CAPN2: variants seen among roughly 807,000 people sequenced by gnomAD.
CAPN2 encodes the protein calpain 2.
A neutral mutation model predicts 102.3 loss-of-function variants in CAPN2; 92 were observed. That is an observed-to-expected ratio of 0.90 (90% confidence interval 0.76 to 1.07). CAPN2 has a LOEUF of 1.07. Among genes scored for constraint, CAPN2 ranks in the 50% least tolerant of loss-of-function variants. The probability of loss-of-function intolerance (pLI) is 0.00; values close to 1 mark genes in which losing one functional copy is unlikely to be tolerated. For synonymous variants in CAPN2, 340 were observed against 355.4 expected (o/e 0.96, Z 0.49); for missense variants, 800 against 909.4 (o/e 0.88, Z 1.55).
At chr1:223,750,101 TA>T (rs1660849590) in intron 6 of CAPN2, among the ~76,000 whole-genome samples, 1 of 152,236 alleles carries the variant, frequency 6.6e-6, no homozygotes, top group South Asian at 2.1e-4. Flanking sequence ...GTTCTTTTTT[TA>T]ACCTTGATTT....
At chr1:223,744,975 G>T (rs551468311) in intron 3 of CAPN2, among the ~76,000 whole-genome samples, 4 of 151,934 alleles carry the variant, frequency 2.6e-5, no homozygotes, top group Non-Finnish European at 2.9e-5. Flanking sequence ...CATCCAGGAG[G>T]CAGAGGTTGC....
chr1:223,761,627 AC>A lies in CAPN2; in HGVS notation c.1566+11del. 6.2e-7 allele frequency: 1 copy of A among 1,607,100 alleles called. No homozygotes were observed. On this transcript the variant is annotated intron_variant, in intron 13 of 20. Coordinates refer to ENST00000295006, the MANE Select transcript of CAPN2 (RefSeq NM_001748.5). ...GGCCAATCTTGAAGAGGTATTTGTA[AC>A]TCTTTGAATTTCACCCACTCTGTCC...
chr1:223,737,778 A>G (rs1404074382), intron 2 of CAPN2, among the ~76,000 whole-genome samples: 1 of 151,778 alleles, frequency 6.6e-6, no homozygotes, highest in African/African-American at 2.4e-5. Flanking sequence ...TAAAAGAAAA[A>G]CAACCCAGAA....
At position 223,712,581 on chromosome 1, in the gene CAPN2, G is replaced by T; in HGVS notation, c.-60G>T. ...GCCGGGCCCTGGCCGCGCCCCAGCC[G>T]AGCGCAGCGCGGAGTCGCCCCGACC... On this transcript the variant is annotated 5_prime_UTR_variant, in exon 1 of 21. Coordinates refer to ENST00000295006, the MANE Select transcript of CAPN2 (RefSeq NM_001748.5). 7.0e-7 allele frequency: 1 copy of T among 1,425,276 alleles called. No individual in the cohort carries two copies. Among genetic ancestry groups the T allele is most frequent in the Non-Finnish European group, 9.2e-7 (1 of 1,090,356 alleles). The allele number at this position is 1,425,276 out of a possible 1,614,324, so 88.3% of individuals were successfully genotyped here.
intron 3 of CAPN2, among the ~76,000 whole-genome samples, 189 bp downstream of exon 3, chr1:223,744,407 G>A (rs1033482819): frequency 5.3e-5 from 8 of 152,220 alleles, no homozygotes; most frequent in East Asian, 1.9e-4. Context: ...AGACCCGGCT[G>A]GGATGGCCCT....
At position 223,755,689 on chromosome 1, in the gene CAPN2, G is replaced by A. The variant is rs779761770; in HGVS notation, c.1305+40G>A. On this transcript the variant is annotated intron_variant, in intron 10 of 20. Transcript: ENST00000295006. This position sits in a 1 kb window ranked among gnomAD's most constrained non-coding sequence, Gnocchi z 4.1. ...GGCTCCTGCCCTCCCTTCCCCATGT[G>A]TTCATCTCAGCCCCTGCATGGAAAG... The A allele has an allele frequency of 2.0e-6, 3 of 1,510,610 alleles. No individual in the cohort carries two copies. Among genetic ancestry groups the A allele is most frequent in the Non-Finnish European group, 2.7e-6 (3 of 1,126,322 alleles). 93.6% of individuals were successfully genotyped at this position (1,510,610 alleles called of 1,614,324 possible). A position where few individuals can be genotyped will look rare whatever the true frequency, so the allele number is the denominator to read the frequency against.
rs555645336 is a variant in CAPN2, at chr1:223,751,911, G to A, written c.900-86G>A. 6.9e-5 allele frequency: 59 copies of A among 852,116 alleles called. No individual in the cohort carries two copies. In the East Asian group the frequency reaches 1.5e-3, roughly 21 times the overall value. 52.8% of individuals were successfully genotyped at this position (852,116 alleles called of 1,614,324 possible). On this transcript the variant is annotated intron_variant, in intron 7 of 20. Transcript: ENST00000295006. ...CTGGAGCCTGAGCCCTCAGAGGTGA[G>A]AGCAGATGTCCCTCTTCCTCAACTC...
At chr1:223,766,530 C>A in intron 16 of CAPN2, 99 bp downstream of exon 16, 1 of 945,364 alleles carries the variant, frequency 1.1e-6, no homozygotes, top group South Asian at 1.4e-5. Context: ...TCAAAATAGC[C>A]AGTTGTTCCC....
rs28370072 is a variant in CAPN2, at chr1:223,750,716, A to C, written c.814-174A>C. 9.0e-3 allele frequency among the ~76,000 whole-genome samples: 1,370 copies of C among 152,314 alleles called. 9 individuals are homozygous for C. The highest frequency in any genetic ancestry group is 0.015 in the Non-Finnish European group (992 of 68,032). ...GCAGCAGTGAGAGGTCTGGGTGCCA[A>C]GCCCCCTCTAGCTCTTGTGATCCTC... On this transcript the variant is annotated intron_variant, in intron 6 of 20. Coordinates refer to ENST00000295006, the MANE Select transcript of CAPN2 (RefSeq NM_001748.5).
At chr1:223,758,609 G>A (rs1460112685) in intron 11 of CAPN2, 1 of 153,088 alleles carries the variant, frequency 6.5e-6, no homozygotes, top group African/African-American at 2.4e-5. Context: ...TGCAGGCGGA[G>A]CTGAATGGAT....
rs1349468523 is a variant in CAPN2, at chr1:223,731,796, G to C, written c.308-12304G>C. ...AGTGAGGGATGTGGAGGCAGCGGAA[G>C]GCATCTGGGAGTCTGGGCTGCCCCG... On this transcript the variant is annotated intron_variant, in intron 2 of 20. Transcript: ENST00000295006. The surrounding 1 kb of genome is among the most constrained non-coding windows in gnomAD (Gnocchi z 4.2). Among the ~76,000 whole-genome samples the C allele has an allele frequency of 6.6e-6, 1 of 152,184 alleles. No individual in the cohort carries two copies. Among genetic ancestry groups the C allele is most frequent in the East Asian group, 1.9e-4 (1 of 5,176 alleles).
intron 2 of CAPN2, among the ~76,000 whole-genome samples, chr1:223,734,552 A>G (rs1779658): frequency 0.81 from 122,463 of 151,922 alleles, 50,141 homozygotes; most frequent in Admixed American, 0.89. Flanking sequence ...CACCTTATGC[A>G]CTGCTTCACT....
chr1:223,750,831 C>G (rs1049791697), intron 6 of CAPN2, 59 bp from the exon 7 acceptor site: 51 of 1,490,080 alleles, frequency 3.4e-5, no homozygotes, highest in Non-Finnish European at 4.5e-5. Context: ...GAGGCCCAAG[C>G]CTTCATAGCC....
intron 16 of CAPN2, among the ~76,000 whole-genome samples, chr1:223,769,487 CTT>C (rs999174659): frequency 2.0e-4 from 31 of 152,060 alleles, no homozygotes; most frequent in African/African-American, 6.8e-4. Context: ...CCAAAGGCCT[CTT>C]AGATATACTC....
intron 16 of CAPN2, 56 bp from the exon 17 acceptor site, chr1:223,769,785 G>A: frequency 2.3e-6 from 3 of 1,315,244 alleles, no homozygotes; most frequent in Non-Finnish European, 3.2e-6. Flanking sequence ...AGACAAACTA[G>A]GTGACACTAT....
intron 1 of CAPN2, among the ~76,000 whole-genome samples, chr1:223,717,191 G>A (rs1659899964): frequency 1.3e-5 from 2 of 152,180 alleles, no homozygotes; most frequent in South Asian, 4.1e-4. Context: ...GGAAATCAGA[G>A]TAATACCTAA....
At chr1:223,734,086 A>G (rs2102787198) in intron 2 of CAPN2, among the ~76,000 whole-genome samples, 1 of 152,242 alleles carries the variant, frequency 6.6e-6, no homozygotes, top group East Asian at 1.9e-4. Context: ...AGGGACCTCA[A>G]GGCCAGCCTC....
At chr1:223,709,998 C>G (rs540910373), upstream of CAPN2, among the ~76,000 whole-genome samples, 2 of 152,004 alleles carry the variant, frequency 1.3e-5, no homozygotes, top group South Asian at 2.1e-4. Flanking sequence ...GAAAGGGGCT[C>G]GTGTGGTGGC....
At chr1:223,718,333 T>C (rs1313214645) in intron 2 of CAPN2, among the ~76,000 whole-genome samples, 1 of 152,224 alleles carries the variant, frequency 6.6e-6, no homozygotes, top group Non-Finnish European at 1.5e-5. Flanking sequence ...ATTCTCAGTG[T>C]TTGCAAGACA....
Sources: gnomAD v4.1 joint callset for allele counts (sites outside exome capture counted in the v4.1 genomes callset) on GRCh38, gnomAD v4.1.1 for gene constraint, Gnocchi (gnomAD v3.1) non-coding constraint, MANE v1.5 for transcripts, NCBI Gene and HGNC (gene_info 2026-07-23, HGNC 2026-07-21) for gene names.